The following SH3D19 variants were observed in gnomAD, a reference collection of about 807,000 sequenced individuals.
SH3D19 encodes the protein SH3 domain containing 19.
Under a neutral mutation model 112.1 loss-of-function variants are expected in SH3D19, and 58 were observed. That is an observed-to-expected ratio of 0.52 (90% CI 0.42 to 0.64). The LOEUF is 0.64. Ranked by LOEUF, SH3D19 falls within the 30% of genes least tolerant of loss-of-function variation. The pLI is 0.00. For missense variants in SH3D19, 1,090 were observed against 1,263.4 expected (o/e 0.86, Z 2.08); for synonymous variants, 391 against 448.5 (o/e 0.87, Z 1.62).
chr4:151,239,361 C>T (rs1770379122), intron 1 of SH3D19, among the ~76,000 whole-genome samples: 1 of 152,198 alleles, frequency 6.6e-6, no homozygotes, highest in Admixed American at 6.5e-5. Context: ...GTCCTCTCCA[C>T]ACCTCTGCAA....
At chr4:151,197,001 G>A (rs1763566071) in intron 2 of SH3D19, among the ~76,000 whole-genome samples, 3 of 152,210 alleles carry the variant, frequency 2.0e-5, no homozygotes, top group South Asian at 4.1e-4. Flanking sequence ...ATTAATAGAT[G>A]TTGGTATGGA....
In SH3D19 at chr4:151,180,564, G is replaced by T. The variant is rs573647023; in HGVS notation, c.194-1167C>A. ...TGGGACTACAGGCGCCCGCGACCATGCCTGGCTAATTTTTTATATTTTTAG... is the reference window on the plus strand; with the variant it reads ...TGGGACTACAGGCGCCCGCGACCATTCCTGGCTAATTTTTTATATTTTTAG... On this transcript the variant is annotated intron_variant, in intron 3 of 19. Transcript: ENST00000604030. Among the ~76,000 whole-genome samples the T allele has an allele frequency of 6.3e-4, 96 of 151,516 alleles. 1 individual carries two copies. The highest frequency in any genetic ancestry group is 2.1e-3 in the African/African-American group (87 of 41,342).
intron 1 of SH3D19, among the ~76,000 whole-genome samples, chr4:151,315,036 T>C (rs1045942578): frequency 2.0e-5 from 3 of 152,182 alleles, no homozygotes; most frequent in Non-Finnish European, 4.4e-5. Flanking sequence ...GGTGGGTACA[T>C]TGCCACATCC....
At chr4:151,253,815 T>A (rs1482114832) in intron 1 of SH3D19, among the ~76,000 whole-genome samples, 1 of 152,050 alleles carries the variant, frequency 6.6e-6, no homozygotes, top group East Asian at 1.9e-4. Context: ...GACTTACAAC[T>A]ACAATACAAC....
intron 14 of SH3D19, among the ~76,000 whole-genome samples, chr4:151,136,972 C>A (rs576600760): frequency 1.2e-4 from 19 of 152,178 alleles, no homozygotes; most frequent in Non-Finnish European, 2.5e-4. Flanking sequence ...GCTGTTAATG[C>A]TGTTAAGCTA....
In SH3D19 at chr4:151,303,967, G is replaced by T. The variant is rs569612093; in HGVS notation, c.112+21274C>A. The stretch of plus-strand genomic sequence containing the variant: ...CATTTTTTTTTTTAAACTTGGGCTG[G>T]TTTACTCATAAAAGCAGATTTTTTT... On this transcript the variant is annotated intron_variant, in intron 1 of 19. Transcript: ENST00000604030. Among the ~76,000 whole-genome samples, 4 of 151,444 alleles carry T rather than the reference G, an allele frequency of 2.6e-5. No homozygotes were observed. The South Asian group carries it at 8.4e-4, about 32-fold the overall frequency.
chr4:151,291,279 T>G (rs1385005314), intron 1 of SH3D19: 2 of 1,613,872 alleles, frequency 1.2e-6, no homozygotes, highest in African/African-American at 1.3e-5. Context: ...GAGCCAACAA[T>G]CTAGACTTCT....
rs116164253 is a variant in SH3D19 at position 151,311,173 on chromosome 4, C to A, written c.112+14068G>T. Among the ~76,000 whole-genome samples the A allele has an allele frequency of 5.0e-3, 748 of 148,912 alleles. 6 individuals are homozygous for A. The highest frequency in any genetic ancestry group is 0.018 in the African/African-American group (712 of 39,260). On this transcript the variant is annotated intron_variant, in intron 1 of 19. Transcript: ENST00000604030. The stretch of plus-strand genomic sequence containing the variant: ...CACACACAGTGGAATTTTATTCAGC[C>A]TTTAAAAAGAAGGAAATCCAGCCTG...
At chr4:151,238,234 G>A (rs561302828) in intron 1 of SH3D19, among the ~76,000 whole-genome samples, 2 of 152,170 alleles carry the variant, frequency 1.3e-5, no homozygotes, top group South Asian at 4.1e-4. Flanking sequence ...GGATGAAAGA[G>A]TGGCATAAAG....
intron 17 of SH3D19, 36 bp from the exon 18 acceptor site, chr4:151,128,392 G>T (rs1393032398): frequency 6.6e-7 from 1 of 1,522,580 alleles, no homozygotes; most frequent in Non-Finnish European, 8.9e-7. Context: ...AGAAGTGTAA[G>T]ATTTTATTTG....
chr4:151,318,318 A>AAAAG (rs1177642185), intron 1 of SH3D19, among the ~76,000 whole-genome samples: 73 of 149,864 alleles, frequency 4.9e-4, no homozygotes, highest in African/African-American at 1.7e-3. Context: ...AAAAAAAAAA[A>AAAAG]AAAGAAAGAA....
intron 14 of SH3D19, among the ~76,000 whole-genome samples, chr4:151,136,702 T>C (rs538462902): frequency 6.6e-6 from 1 of 152,354 alleles, no homozygotes; most frequent in Non-Finnish European, 1.5e-5. Context: ...AATTGTGCTT[T>C]TTAAAGTACT....
chr4:151,163,435 TTA>T (rs1209643425), intron 8 of SH3D19, among the ~76,000 whole-genome samples: 3 of 152,196 alleles, frequency 2.0e-5, no homozygotes, highest in African/African-American at 7.2e-5. Context: ...TTTCTTATTA[TTA>T]TATGTTACTA....
At chr4:151,247,700 A>G (rs762158184) in intron 1 of SH3D19, among the ~76,000 whole-genome samples, 1 of 152,204 alleles carries the variant, frequency 6.6e-6, no homozygotes, top group African/African-American at 2.4e-5. Context: ...TTAATAGTTC[A>G]GCTCTATAAC....
At chr4:151,190,005 A>G (rs1762386268) in intron 2 of SH3D19, among the ~76,000 whole-genome samples, 1 of 152,138 alleles carries the variant, frequency 6.6e-6, no homozygotes, top group Non-Finnish European at 1.5e-5. Flanking sequence ...GATAATGAAA[A>G]CCAGGCTGAG....
Position 151,232,789 on chromosome 4 carries a change from T to G in SH3D19, c.113-6703A>C, listed in dbSNP as rs143366026. Reference sequence around the variant, plus strand: ...CCCTGATTCCTCTCTCTCTTCAGCATCCTTGTATTCATTTCTTACTGCTGC... The same window carrying G: ...CCCTGATTCCTCTCTCTCTTCAGCAGCCTTGTATTCATTTCTTACTGCTGC... On this transcript the variant is annotated intron_variant, in intron 1 of 19. Transcript: ENST00000604030. Among the ~76,000 whole-genome samples the G allele has an allele frequency of 6.6e-5, 10 of 152,360 alleles. No individual in the cohort carries two copies. The East Asian group carries it at 1.9e-3, about 29-fold the overall frequency.
Position 151,137,794 on chromosome 4 carries a change from A to C in SH3D19, c.2365T>G (p.Trp789Gly). 1.2e-6 allele frequency: 2 copies of C among 1,611,356 alleles called. No homozygotes were observed. The highest frequency in any genetic ancestry group is 8.5e-7 in the Non-Finnish European group (1 of 1,178,752). Residue 789 changes from tryptophan (W) to glycine (G), a missense_variant, in exon 14 of 20, where the codon TGG (tryptophan) becomes GGG (glycine). By Grantham distance (184) the Trp-to-Gly change is radical. Transcript: ENST00000604030. The part of the protein sequence containing the change: ...VYLLEKIDTD[W>G]YRGNCRNQIG... Reference sequence around the variant, plus strand: ...TGGTTTCTACAGTTCCCTCTGTACCAATCTGTATCTATCTTCTCCAGAAGA... The same window carrying C: ...TGGTTTCTACAGTTCCCTCTGTACCCATCTGTATCTATCTTCTCCAGAAGA...
At chr4:151,161,138 T>G (rs1757078041) in intron 8 of SH3D19, among the ~76,000 whole-genome samples, 1 of 152,026 alleles carries the variant, frequency 6.6e-6, no homozygotes, top group African/African-American at 2.4e-5. Context: ...CAATTTTAAA[T>G]AATGTAGTCA....
intron 1 of SH3D19, among the ~76,000 whole-genome samples, chr4:151,317,001 C>T (rs1335689918): frequency 1.3e-5 from 2 of 152,236 alleles, no homozygotes; most frequent in Non-Finnish European, 2.9e-5. Context: ...CCCTAGAACA[C>T]ATCCCATGTC....
Sources: allele counts gnomAD v4.1 joint callset (sites outside exome capture counted in the v4.1 genomes callset), GRCh38; gene constraint gnomAD v4.1.1; transcripts MANE v1.5; gene names NCBI Gene and HGNC (gene_info 2026-07-23, HGNC 2026-07-21).